Variants in CDK14 observed in about 807,000 individuals in gnomAD.
CDK14 encodes the protein cyclin-dependent kinase 14.
Under a neutral mutation model 60.7 loss-of-function variants are expected in CDK14, and 34 were observed. The ratio of observed to expected loss-of-function variants is 0.56; its 90% CI spans 0.43 to 0.75. The LOEUF (loss-of-function observed/expected upper bound fraction) is 0.75. Ranked by LOEUF, CDK14 falls within the 30% of genes least tolerant of loss-of-function variation. The probability of loss-of-function intolerance (pLI) is 0.00; values close to 1 mark genes in which losing one functional copy is unlikely to be tolerated. For missense variants in CDK14, 482 were observed against 564.1 expected, an observed-to-expected ratio of 0.85 and a Z score of 1.47; for synonymous variants, 197 against 203.7, an observed-to-expected ratio of 0.97 and a Z score of 0.28.
intron 2 of CDK14, among the ~76,000 whole-genome samples, chr7:90,655,448 G>T (rs1800732214): frequency 6.6e-6 from 1 of 152,044 alleles, no homozygotes; most frequent in South Asian, 2.1e-4. Flanking sequence ...CTGAAAAGGG[G>T]TTTATTTAAA....
In CDK14 at chr7:90,896,194, C is replaced by T. The variant is rs1286427115; in HGVS notation, c.640-3097C>T. The stretch of plus-strand genomic sequence containing the variant: ...CTAAATTTTCTTGTTGATGCTCTGA[C>T]CAAATTTAATTGCTTTGAAATGTAG... On this transcript the variant is annotated intron_variant, in intron 6 of 14. Transcript: ENST00000380050. Among the ~76,000 whole-genome samples, 5 of 151,756 alleles carry T rather than the reference C, an allele frequency of 3.3e-5. No homozygotes were observed. In the East Asian group the frequency reaches 9.6e-4, roughly 29 times the overall value.
intron 12 of CDK14, among the ~76,000 whole-genome samples, chr7:91,094,122 A>G (rs752989615): frequency 1.3e-5 from 2 of 152,144 alleles, no homozygotes; most frequent in African/African-American, 4.8e-5. Context: ...CCTCAGCAAC[A>G]TGCAATTTAC....
chr7:90,611,102 C>T (rs946298955), intron 2 of CDK14, among the ~76,000 whole-genome samples: 1 of 152,160 alleles, frequency 6.6e-6, no homozygotes, highest in African/African-American at 2.4e-5. Context: ...TCCTTTCCCT[C>T]TTTTCTACTC....
At chr7:90,641,667 C>G (rs945873808) in intron 2 of CDK14, among the ~76,000 whole-genome samples, 3 of 87,922 alleles carry the variant, frequency 3.4e-5, no homozygotes, top group Non-Finnish European at 8.2e-5. Context: ...GGGGGATTGA[C>G]AGCTGTGGCT....
chr7:90,631,076 T>C (rs933191255), intron 2 of CDK14, among the ~76,000 whole-genome samples: 2 of 152,152 alleles, frequency 1.3e-5, no homozygotes, highest in African/African-American at 4.8e-5. Context: ...TCTGATAGGA[T>C]TCAGAACCCC....
At chr7:91,118,021 A>G in intron 13 of CDK14, 44 bp from the exon 14 acceptor site, 1 of 1,104,292 alleles carries the variant, frequency 9.1e-7, no homozygotes, top group African/African-American at 1.6e-5. Flanking sequence ...ATGATTATAA[A>G]TATCTATAAC....
chr7:90,863,166 GT>G lies in CDK14; in HGVS notation c.545-5del. ...GATAAATTGTTTCTCTGTCCATTTT[GT>G]TTTACAGCTTCTCTTTTAAAAGGAC... is the stretch of plus-strand genomic sequence containing the variant. On this transcript the variant is annotated splice_region_variant and splice_polypyrimidine_tract_variant and intron_variant, in intron 5 of 14. Transcript: ENST00000380050. The G allele has an allele frequency of 6.6e-7, 1 of 1,525,898 alleles. No homozygotes were observed. Among genetic ancestry groups the G allele is most frequent in the Non-Finnish European group, 9.0e-7 (1 of 1,106,932 alleles). The allele number at this position is 1,525,898 out of a possible 1,614,324, so 94.5% of individuals were successfully genotyped here. A position where few individuals can be genotyped will look rare whatever the true frequency, so the allele number is the denominator to read the frequency against.
intron 11 of CDK14, among the ~76,000 whole-genome samples, chr7:91,054,624 G>A (rs1334032347): frequency 1.3e-5 from 2 of 152,112 alleles, no homozygotes; most frequent in Non-Finnish European, 2.9e-5. Context: ...GTTGAGAGTC[G>A]GTGTTTGCAT....
intron 2 of CDK14, among the ~76,000 whole-genome samples, chr7:90,662,295 A>T (rs1800880539): frequency 6.6e-6 from 1 of 152,194 alleles, no homozygotes; most frequent in Non-Finnish European, 1.5e-5. Context: ...GTGGGAAGTC[A>T]CAGAGCCCAT....
intron 14 of CDK14, among the ~76,000 whole-genome samples, chr7:91,119,956 T>A (rs1799732756): frequency 1.3e-5 from 2 of 152,296 alleles, no homozygotes; most frequent in South Asian, 4.1e-4. Context: ...GGGGCTAGGT[T>A]TTTGACAAGC....
Position 90,747,746 on chromosome 7 carries a change from T to C in CDK14, c.435T>C (p.Ser145=). The change falls in exon 4 of 15, where the codon TCT becomes TCC. Residue 145 remains serine (S), a synonymous_variant. Transcript: ENST00000380050. The part of the protein sequence containing the change: ...YEKLEKLGEG[S]YATVYKGKSK... ...AGCTGGAAAAACTAGGGGAAGGATC[T>C]TATGCTACAGTATACAAAGGGAAAA... is the stretch of plus-strand genomic sequence containing the variant. The C allele has an allele frequency of 6.3e-7, 1 of 1,596,752 alleles. No homozygotes were observed.
chr7:90,811,023 T>A (rs1311156332), intron 5 of CDK14, among the ~76,000 whole-genome samples: 1 of 152,166 alleles, frequency 6.6e-6, no homozygotes, highest in Non-Finnish European at 1.5e-5. Context: ...ATCAATATCG[T>A]GAGAATGGCC....
At chr7:91,021,105 T>C (rs1203673568) in intron 10 of CDK14, among the ~76,000 whole-genome samples, 2 of 152,204 alleles carry the variant, frequency 1.3e-5, no homozygotes, top group Non-Finnish European at 2.9e-5. Context: ...TCTAGTCTAC[T>C]AAGTCTCCTA....
rs186141985 is a variant in CDK14, at chr7:90,909,937, C to G, written c.703-7664C>G. On this transcript the variant is annotated intron_variant, in intron 7 of 14. Transcript: ENST00000380050. The stretch of plus-strand genomic sequence containing the variant: ...AAGCAGAAAGAAGAATGGAAGAACT[C>G]AAACAGGGCAAAACAGTGGCAAGAC... Among the ~76,000 whole-genome samples the G allele has an allele frequency of 1.7e-3, 265 of 152,192 alleles. 1 individual carries two copies. The highest frequency in any genetic ancestry group is 2.1e-3 in the Non-Finnish European group (145 of 67,996).
chr7:90,910,450 A>G (rs79870168), intron 7 of CDK14, among the ~76,000 whole-genome samples: 2 of 152,232 alleles, frequency 1.3e-5, no homozygotes, highest in Non-Finnish European at 2.9e-5. Flanking sequence ...TTAACTAATT[A>G]TTTTTAACTT....
intron 12 of CDK14, among the ~76,000 whole-genome samples, chr7:91,101,680 T>C (rs1045475995): frequency 2.0e-5 from 3 of 152,140 alleles, no homozygotes; most frequent in East Asian, 1.9e-4. Context: ...GCTTCTCATT[T>C]CATTGCACAG....
chr7:91,142,590 T>TA (rs1018189431), intron 14 of CDK14, among the ~76,000 whole-genome samples: 1 of 152,222 alleles, frequency 6.6e-6, no homozygotes, highest in Admixed American at 6.5e-5. Flanking sequence ...TCTTGGCCCT[T>TA]ATTGAGCTGC....
At chr7:91,168,518 A>C (rs1801419279) in intron 14 of CDK14, among the ~76,000 whole-genome samples, 1 of 152,236 alleles carries the variant, frequency 6.6e-6, no homozygotes, top group South Asian at 2.1e-4. Flanking sequence ...GCATGATGCT[A>C]TTCACCTTTT....
intron 14 of CDK14, among the ~76,000 whole-genome samples, chr7:91,147,250 G>T (rs189828141): frequency 3.0e-4 from 46 of 150,892 alleles, no homozygotes; most frequent in African/African-American, 1.0e-3. Context: ...GGAAGAGGCA[G>T]ATGTGTCCTG....
Sources: gnomAD v4.1 joint callset for allele counts (sites outside exome capture counted in the v4.1 genomes callset) on GRCh38, gnomAD v4.1.1 for gene constraint, MANE v1.5 for transcripts, NCBI Gene and HGNC (gene_info 2026-07-23, HGNC 2026-07-21) for gene names.